The following DSCAM variants were observed in gnomAD, a reference collection of about 807,000 sequenced individuals.
The protein encoded by DSCAM is DS cell adhesion molecule.
Under a neutral mutation model 217.7 loss-of-function variants are expected in DSCAM, and 47 were observed. That is an observed-to-expected ratio of 0.22 (90% CI 0.17 to 0.28). The LOEUF (loss-of-function observed/expected upper bound fraction) is 0.28, where lower values mean the gene tolerates loss of function less well. DSCAM is among the 10% of genes least tolerant of loss of function. The pLI is 1.00. For synonymous variants in DSCAM, 1,056 were observed against 1,015.3 expected (o/e 1.04, Z -0.76); for missense variants, 2,080 against 2,618.3 (o/e 0.79, Z 4.49).
chr21:40,774,298 T>C (rs956832884), intron 1 of DSCAM, among the ~76,000 whole-genome samples: 1 of 152,216 alleles, frequency 6.6e-6, no homozygotes, highest in Non-Finnish European at 1.5e-5. Context: ...GAGAGAGACA[T>C]AGACAGAGGC....
At chr21:40,796,043 T>C (rs559266346) in intron 1 of DSCAM, among the ~76,000 whole-genome samples, 43 of 152,354 alleles carry the variant, frequency 2.8e-4, no homozygotes, top group African/African-American at 1.0e-3. Flanking sequence ...CCATTTTAGC[T>C]TATTCAATCC....
At chr21:40,234,500 T>G (rs540478154) in intron 11 of DSCAM, among the ~76,000 whole-genome samples, 6 of 152,364 alleles carry the variant, frequency 3.9e-5, no homozygotes, top group African/African-American at 1.4e-4. Context: ...TTGGTAATGT[T>G]GAGTCAAGAT....
intron 1 of DSCAM, among the ~76,000 whole-genome samples, chr21:40,821,137 C>CAT (rs5844044): frequency 0.59 from 80,696 of 137,844 alleles, 24,086 homozygotes; most frequent in South Asian, 0.66. Context: ...TATATCTTCA[C>CAT]ATATATATAT....
chr21:40,275,298 C>G (rs891453938), intron 11 of DSCAM, among the ~76,000 whole-genome samples: 3 of 152,052 alleles, frequency 2.0e-5, no homozygotes, highest in Non-Finnish European at 4.4e-5. Flanking sequence ...CCACTGCACT[C>G]TAGCCTGGGC....
chr21:40,730,354 T>G (rs2090999863), intron 1 of DSCAM, among the ~76,000 whole-genome samples: 1 of 152,184 alleles, frequency 6.6e-6, no homozygotes, highest in Non-Finnish European at 1.5e-5. Flanking sequence ...GGAATGAGAC[T>G]TCTTAAATAT....
intron 3 of DSCAM, among the ~76,000 whole-genome samples, chr21:40,686,226 C>CACCCTCCACACACAT (rs753519296): frequency 6.7e-6 from 1 of 149,462 alleles, no homozygotes; most frequent in Non-Finnish European, 1.5e-5. Context: ...CACACACACA[C>CACCCTCCACACACAT]ACAGAGCTCA....
chr21:40,687,046 G>C (rs144583512), intron 3 of DSCAM, among the ~76,000 whole-genome samples: 4 of 152,094 alleles, frequency 2.6e-5, no homozygotes, highest in Admixed American at 2.6e-4. Context: ...TGATGTGCAC[G>C]TTCTGAGCTG....
intron 3 of DSCAM, among the ~76,000 whole-genome samples, chr21:40,446,470 C>G (rs1181228046): frequency 2.6e-5 from 4 of 152,208 alleles, no homozygotes; most frequent in Admixed American, 1.3e-4. Flanking sequence ...AGACCCCACT[C>G]AGTATCCTTC....
chr21:40,259,589 T>C (rs1188449745), intron 11 of DSCAM, among the ~76,000 whole-genome samples: 1 of 146,212 alleles, frequency 6.8e-6, no homozygotes, highest in Non-Finnish European at 1.5e-5. Context: ...GAAAGAAGGC[T>C]ACAACTGGAA....
intron 19 of DSCAM, among the ~76,000 whole-genome samples, chr21:40,131,647 A>C (rs1023313575): frequency 3.9e-5 from 6 of 152,044 alleles, no homozygotes; most frequent in Admixed American, 3.9e-4. Context: ...CTGGTCTCGA[A>C]CTCCTGGCCT....
Position 40,341,866 on chromosome 21 carries a change from ATTAT to A in DSCAM, c.1211-2455_1211-2452del, listed in dbSNP as rs563244361. Among the ~76,000 whole-genome samples, 612 of 152,154 alleles carry A rather than the reference ATTAT, an allele frequency of 4.0e-3. 1 individual carries two copies. The highest frequency in any genetic ancestry group is 8.2e-3 in the Admixed American group (125 of 15,280). Reference sequence around the variant, plus strand: ...TTTTCCAGAGCAGTCCGTATCACCCATTATTTATGTTTCATGTCATTTCAGCCTC... The same window carrying A: ...TTTTCCAGAGCAGTCCGTATCACCCATTATGTTTCATGTCATTTCAGCCTC... On this transcript the variant is annotated intron_variant, in intron 6 of 32. Coordinates refer to ENST00000400454, the MANE Select transcript of DSCAM (RefSeq NM_001389.5).
At chr21:40,829,162 G>A (rs1408518077) in intron 1 of DSCAM, among the ~76,000 whole-genome samples, 1 of 152,244 alleles carries the variant, frequency 6.6e-6, no homozygotes, top group Non-Finnish European at 1.5e-5. Context: ...AAAAACAGGA[G>A]TGGACGCTGA....
chr21:40,438,116 G>A lies in DSCAM; in HGVS notation c.509-68871C>T, dbSNP rs562698672. ...ACCAGGAGTCTGGGGACACAGCATC[G>A]AGTCTGTATTCTGCCATAGACTGTG... is the stretch of plus-strand genomic sequence containing the variant. On this transcript the variant is annotated intron_variant, in intron 3 of 32. Transcript: ENST00000400454. Among the ~76,000 whole-genome samples, 6 of 152,296 alleles carry A rather than the reference G, an allele frequency of 3.9e-5. No individual in the cohort carries two copies. In the East Asian group the frequency reaches 9.7e-4, roughly 25 times the overall value.
At chr21:40,824,520 C>T (rs1366514837) in intron 1 of DSCAM, among the ~76,000 whole-genome samples, 1 of 151,444 alleles carries the variant, frequency 6.6e-6, no homozygotes, top group Non-Finnish European at 1.5e-5. Flanking sequence ...AGCAATTCTC[C>T]CACCTCAGCC....
In DSCAM at chr21:40,124,206, G is replaced by A. The variant is rs763828200; in HGVS notation, c.3685C>T (p.Pro1229Ser). The change falls in exon 20 of 33, where the codon CCC becomes TCC. Residue 1229 changes from proline to serine, a missense_variant. By Grantham distance (74) the Pro-to-Ser change is moderately conservative. Around this residue, in one of 5 missense-constraint regions of DSCAM, gnomAD observed 1,144 missense variants for 1,421.1 expected, o/e 0.81. Transcript: ENST00000400454. ...ATTTACCAACTTACTGTGGGATAGG[G>A]GTGGGAGCAGAATACAGTGTACTTT... ...IRKYTVFCSH[P>S]YPTVISEFEA... 12 of 1,613,912 alleles carry A rather than the reference G, an allele frequency of 7.4e-6. No individual in the cohort carries two copies. The highest frequency in any genetic ancestry group is 2.2e-5 in the East Asian group (1 of 44,808).
At chr21:40,579,282 A>AC (rs397785723) in intron 3 of DSCAM, among the ~76,000 whole-genome samples, 1 of 152,004 alleles carries the variant, frequency 6.6e-6, no homozygotes, top group Non-Finnish European at 1.5e-5. Context: ...TCCAAAAAAA[A>AC]ACCTCAATAA....
rs140215228 is a variant in DSCAM at position 40,267,502 on chromosome 21, G to A, written c.2356+8595C>T. On this transcript the variant is annotated intron_variant, in intron 11 of 32. Transcript: ENST00000400454. ...TTGTCCATTATCACATATATTAGAT[G>A]TATGTTAACCATTATAGCTCCATCT... Among the ~76,000 whole-genome samples, 90 of 152,294 alleles carry A rather than the reference G, an allele frequency of 5.9e-4. 3 individuals carry two copies. The East Asian group carries it at 0.017, about 28-fold the overall frequency.
intron 3 of DSCAM, among the ~76,000 whole-genome samples, chr21:40,545,914 G>C (rs1213743978): frequency 1.3e-5 from 2 of 152,230 alleles, no homozygotes; most frequent in African/African-American, 4.8e-5. Flanking sequence ...GTCAGGTCCA[G>C]TCTGGGCTTT....
At chr21:40,231,603 A>C (rs2091383076) in intron 11 of DSCAM, among the ~76,000 whole-genome samples, 1 of 151,996 alleles carries the variant, frequency 6.6e-6, no homozygotes, top group Non-Finnish European at 1.5e-5. Flanking sequence ...CCTGCACTCA[A>C]GTGATCCTCC....
Sources: allele counts gnomAD v4.1 joint callset (sites outside exome capture counted in the v4.1 genomes callset), GRCh38; gene constraint gnomAD v4.1.1; regional missense constraint gnomAD v4.1.1; transcripts MANE v1.5; gene names NCBI Gene and HGNC (gene_info 2026-07-23, HGNC 2026-07-21).